Variants in KIAA1549 observed in about 807,000 individuals in gnomAD.
The protein encoded by KIAA1549 is UPF0606 protein KIAA1549.
A neutral mutation model predicts 156.4 loss-of-function variants in KIAA1549; 70 were observed. The observed-to-expected ratio is 0.45, with a 90% CI of 0.37 to 0.55. KIAA1549 has a LOEUF of 0.55. KIAA1549 is among the 20% of genes least tolerant of loss of function. The probability of loss-of-function intolerance (pLI) is 0.00; values close to 1 mark genes in which losing one functional copy is unlikely to be tolerated. For missense variants in KIAA1549, 2,428 were observed against 2,540.9 expected (o/e 0.96, Z 0.96); for synonymous variants, 1,103 against 1,066.4 (o/e 1.03, Z -0.67).
chr7:138,961,919 C>T (rs911858180), intron 1 of KIAA1549, among the ~76,000 whole-genome samples: 2 of 151,402 alleles, frequency 1.3e-5, no homozygotes, highest in Admixed American at 1.3e-4. Context: ...AGCTATCAGA[C>T]ATCAACTTCC....
chr7:138,852,818 C>T (rs1267516476), intron 16 of KIAA1549, among the ~76,000 whole-genome samples: 1 of 152,220 alleles, frequency 6.6e-6, no homozygotes, highest in South Asian at 2.1e-4. Context: ...CTCTACAAGA[C>T]GAAGGCAGCA....
At chr7:138,861,500 G>A (rs1409326740) in intron 15 of KIAA1549, 44 bp from the exon 16 acceptor site, 1 of 1,487,276 alleles carries the variant, frequency 6.7e-7, no homozygotes, top group Non-Finnish European at 9.2e-7. Flanking sequence ...ATGAGTTTTT[G>A]TGGCAACCCT....
chr7:138,928,301 T>C (rs1223270825), intron 1 of KIAA1549, among the ~76,000 whole-genome samples: 1 of 151,496 alleles, frequency 6.6e-6, no homozygotes, highest in Non-Finnish European at 1.5e-5. Flanking sequence ...GGCATTCTTT[T>C]TTTCAGATGG....
At chr7:138,960,449 C>G (rs1042542148) in intron 1 of KIAA1549, among the ~76,000 whole-genome samples, 3 of 151,448 alleles carry the variant, frequency 2.0e-5, no homozygotes, top group Admixed American at 1.3e-4. Flanking sequence ...GCTGGGATTA[C>G]AGGCACCCGC....
chr7:138,904,021 G>A (rs534579133), intron 7 of KIAA1549, among the ~76,000 whole-genome samples: 3 of 152,268 alleles, frequency 2.0e-5, no homozygotes, highest in South Asian at 2.1e-4. Flanking sequence ...CCAGACTGGC[G>A]GCCAGAAGTC....
At chr7:138,875,674 C>T (rs1053686950) in intron 12 of KIAA1549, among the ~76,000 whole-genome samples, 6 of 152,102 alleles carry the variant, frequency 3.9e-5, no homozygotes, top group Non-Finnish European at 8.8e-5. Context: ...TTGTATAGAA[C>T]AGGATAATGT....
intron 1 of KIAA1549, among the ~76,000 whole-genome samples, chr7:138,940,347 T>C (rs1197641124): frequency 1.3e-5 from 2 of 151,706 alleles, no homozygotes; most frequent in Admixed American, 1.3e-4. Context: ...CATGAACTCA[T>C]CATTTTTTAT....
intron 11 of KIAA1549, 111 bp from the exon 12 acceptor site, chr7:138,879,764 G>T: frequency 1.5e-6 from 1 of 675,840 alleles, no homozygotes; most frequent in Non-Finnish European, 2.5e-6. Flanking sequence ...CAGCAGAAAT[G>T]AAACGGTCCA....
intron 11 of KIAA1549, among the ~76,000 whole-genome samples, chr7:138,881,036 A>G (rs757366331): frequency 2.0e-5 from 3 of 152,156 alleles, no homozygotes; most frequent in Non-Finnish European, 4.4e-5. Context: ...CACTCCTTCT[A>G]TGTTATTTCT....
rs772194774 is a variant in KIAA1549, at chr7:138,844,482, C to G, written c.5295-8G>C. 2.0e-6 allele frequency: 3 copies of G among 1,521,822 alleles called. No homozygotes were observed. In the South Asian group the frequency reaches 4.0e-5, roughly 20 times the overall value. The allele number at this position is 1,521,822 out of a possible 1,614,324, so 94.3% of individuals were successfully genotyped here. The stretch of plus-strand genomic sequence containing the variant: ...CCGGGGCCAAAACCTGGTCTGAAGG[C>G]AAAGCAAACCAGCACATCAGGACTC... On this transcript the variant is annotated splice_polypyrimidine_tract_variant and splice_region_variant and intron_variant, in intron 17 of 19. Coordinates refer to ENST00000422774, the MANE Select transcript of KIAA1549 (RefSeq NM_001164665.2).
chr7:138,961,895 T>C (rs1208665885), intron 1 of KIAA1549, among the ~76,000 whole-genome samples: 1 of 131,020 alleles, frequency 7.6e-6, no homozygotes, highest in Non-Finnish European at 1.7e-5. Flanking sequence ...AAGGAAGAAA[T>C]AAAAAAAGAA....
chr7:138,838,237 A>G (rs1809805434), intron 19 of KIAA1549, 77 bp from the exon 20 acceptor site: 6 of 1,415,098 alleles, frequency 4.2e-6, no homozygotes, highest in Non-Finnish European at 5.6e-6. Context: ...GGCTTTAGGA[A>G]GGTTCCCAGG....
At chr7:138,890,642 G>GT (rs1811520707) in intron 10 of KIAA1549, among the ~76,000 whole-genome samples, 2 of 152,222 alleles carry the variant, frequency 1.3e-5, no homozygotes, top group Non-Finnish European at 2.9e-5. Context: ...CCACCTACAC[G>GT]TTAGGTGTGA....
At chr7:138,867,726 G>A (rs1328362877) in intron 15 of KIAA1549, among the ~76,000 whole-genome samples, 6 of 152,260 alleles carry the variant, frequency 3.9e-5, no homozygotes, top group African/African-American at 9.6e-5. Flanking sequence ...GGAAAAACAC[G>A]GAGTGTGTTT....
chr7:138,967,106 C>T (rs1814050092), intron 1 of KIAA1549, among the ~76,000 whole-genome samples: 6 of 152,202 alleles, frequency 3.9e-5, no homozygotes, highest in Admixed American at 3.3e-4. Context: ...ACTTTGTCCA[C>T]TGATGTATCC....
intron 12 of KIAA1549, among the ~76,000 whole-genome samples, chr7:138,872,255 T>C (rs1041112609): frequency 6.6e-6 from 1 of 151,914 alleles, no homozygotes; most frequent in African/African-American, 2.4e-5. Context: ...CGCTAGTTCC[T>C]ACTTTAAAAA....
intron 16 of KIAA1549, among the ~76,000 whole-genome samples, chr7:138,859,335 T>C (rs1422261289): frequency 6.6e-6 from 1 of 152,092 alleles, no homozygotes; most frequent in Non-Finnish European, 1.5e-5. Flanking sequence ...TGTTGGGGGG[T>C]TATGGCTTCA....
Position 138,837,608 on chromosome 7 carries a change from G to T in KIAA1549, c.*298C>A. On this transcript the variant is annotated 3_prime_UTR_variant, in exon 20 of 20. Coordinates refer to ENST00000422774, the MANE Select transcript of KIAA1549 (RefSeq NM_001164665.2). Reference sequence around the variant, plus strand: ...TAATCTCTACCTTTAAAAAAGAGACGAATGCAGTCATTTTGTTAGCTTAGG... The same window carrying T: ...TAATCTCTACCTTTAAAAAAGAGACTAATGCAGTCATTTTGTTAGCTTAGG... The T allele has an allele frequency of 1.9e-6, 1 of 531,038 alleles. No individual in the cohort carries two copies. The highest frequency in any genetic ancestry group is 3.1e-5 in the South Asian group (1 of 31,770). The allele number at this position is 531,038 out of a possible 1,614,324, so 32.9% of individuals were successfully genotyped here.
intron 15 of KIAA1549, among the ~76,000 whole-genome samples, chr7:138,867,227 G>T (rs1482257344): frequency 6.6e-6 from 1 of 152,068 alleles, no homozygotes; most frequent in Non-Finnish European, 1.5e-5. Context: ...CTCTCATTAG[G>T]AAACCCAGCC....
Sources: gnomAD v4.1 joint callset for allele counts (sites outside exome capture counted in the v4.1 genomes callset) on GRCh38, gnomAD v4.1.1 for gene constraint, MANE v1.5 for transcripts, NCBI Gene and HGNC (gene_info 2026-07-23, HGNC 2026-07-21) for gene names.